ABCA4: variants seen among roughly 807,000 people sequenced by gnomAD.
ABCA4 encodes retinal-specific phospholipid-transporting ATPase ABCA4.
A neutral mutation model predicts 263.7 loss-of-function variants in ABCA4; 196 were observed. The ratio of observed to expected loss-of-function variants is 0.74; its 90% CI spans 0.66 to 0.84. The LOEUF (loss-of-function observed/expected upper bound fraction) is 0.84. Ranked by LOEUF, ABCA4 falls within the 40% of genes least tolerant of loss-of-function variation. The probability of loss-of-function intolerance (pLI) is 0.00; values close to 1 mark genes in which losing one functional copy is unlikely to be tolerated. For synonymous variants in ABCA4, 1,133 were observed against 1,094.2 expected, an observed-to-expected ratio of 1.04 and a Z score of -0.70; for missense variants, 2,792 against 2,855.1, an observed-to-expected ratio of 0.98 and a Z score of 0.50.
intron 14 of ABCA4, among the ~76,000 whole-genome samples, chr1:94,058,534 G>A (rs1404907539): frequency 6.6e-6 from 1 of 152,146 alleles, no homozygotes; most frequent in Admixed American, 6.5e-5. Flanking sequence ...GCTAATTTTT[G>A]TATTTTTAGG....
chr1:94,044,737 G>A lies in ABCA4; in HGVS notation c.2926C>T (p.Leu976=). The change falls in exon 20 of 50, where the codon CTG becomes TTG. Residue 976 remains leucine (L), a synonymous_variant. Coordinates refer to ENST00000370225, the MANE Select transcript of ABCA4 (RefSeq NM_000350.3). ...GAGKTTTLSI[L]TGLLPPTSGT... is the part of the protein sequence containing the mutation. ...GAGGTTGGTGGCAACAGACCCGTCA[G>A]GATGGACCTGCAGAACACAGGCGTC... The A allele has an allele frequency of 6.2e-7, 1 of 1,614,206 alleles. No individual in the cohort carries two copies. Among genetic ancestry groups the A allele is most frequent in the Non-Finnish European group, 8.5e-7 (1 of 1,180,028 alleles).
chr1:93,998,773 C>A (rs1659089516), intron 47 of ABCA4, among the ~76,000 whole-genome samples: 1 of 128,674 alleles, frequency 7.8e-6, no homozygotes, highest in Non-Finnish European at 1.6e-5. Context: ...GACAGTCTCA[C>A]CGTTGCCCAG....
rs772809387 is a variant in ABCA4 at position 94,041,262 on chromosome 1, A to G, written c.3469T>C (p.Leu1157=). 4 of 1,614,052 alleles carry G rather than the reference A, an allele frequency of 2.5e-6. No individual in the cohort carries two copies. The highest frequency in any genetic ancestry group is 3.4e-6 in the Non-Finnish European group (4 of 1,180,040). The change falls in exon 23 of 50, where the codon TTA becomes CTA. Residue 1157 remains leucine, a synonymous_variant. Transcript: ENST00000370225. ...TTTTTCATCTTGCGCACCAAGGTTAAGTACAAGCCTGTGCCAAAGCAGTTC... is the reference window on the plus strand; with the variant it reads ...TTTTTCATCTTGCGCACCAAGGTTAGGTACAAGCCTGTGCCAAAGCAGTTC... ...LKNCFGTGLY[L]TLVRKMKNIQ... is the part of the protein sequence containing the mutation.
At chr1:94,100,851 A>G (rs932593090) in intron 5 of ABCA4, among the ~76,000 whole-genome samples, 1 of 152,204 alleles carries the variant, frequency 6.6e-6, no homozygotes, top group Admixed American at 6.5e-5. Flanking sequence ...GAACGTTGCC[A>G]TCGTGATGGA....
intron 11 of ABCA4, among the ~76,000 whole-genome samples, chr1:94,077,318 C>T (rs982715896): frequency 1.3e-5 from 2 of 152,124 alleles, no homozygotes; most frequent in African/African-American, 2.4e-5. Flanking sequence ...GCTTGTAGAA[C>T]TTGAGGGCAG....
intron 10 of ABCA4, 36 bp downstream of exon 10, chr1:94,078,554 C>T: frequency 3.2e-6 from 2 of 633,110 alleles, no homozygotes; most frequent in Non-Finnish European, 5.8e-6. Flanking sequence ...ACCGCTTCCT[C>T]CTCCCCTCCC....
chr1:94,098,357 G>C (rs142153351), intron 6 of ABCA4, among the ~76,000 whole-genome samples: 1 of 152,138 alleles, frequency 6.6e-6, no homozygotes, highest in African/African-American at 2.4e-5. Context: ...AATGTTTTGC[G>C]TATACTTTTC....
intron 1 of ABCA4, among the ~76,000 whole-genome samples, chr1:94,116,898 G>A (rs1268141065): frequency 1.3e-5 from 2 of 151,792 alleles, no homozygotes; most frequent in East Asian, 3.9e-4. Flanking sequence ...TCCCAAACTG[G>A]TATTTCCTTC....
At chr1:94,105,871 T>C (rs1245293741) in intron 4 of ABCA4, among the ~76,000 whole-genome samples, 1 of 152,186 alleles carries the variant, frequency 6.6e-6, no homozygotes, top group African/African-American at 2.4e-5. Flanking sequence ...CCCAGGTGGC[T>C]GTGCAGAAGC....
intron 13 of ABCA4, among the ~76,000 whole-genome samples, chr1:94,062,308 C>G (rs1238239269): frequency 6.6e-6 from 1 of 152,176 alleles, no homozygotes; most frequent in Non-Finnish European, 1.5e-5. Context: ...CCCAGCCTCA[C>G]TTTCCTTGCT....
chr1:94,037,945 G>C (rs1169225961), intron 24 of ABCA4, among the ~76,000 whole-genome samples: 3 of 152,034 alleles, frequency 2.0e-5, no homozygotes, highest in Non-Finnish European at 4.4e-5. Flanking sequence ...CATTTTTCTG[G>C]TCTGTCACCA....
Position 94,014,560 on chromosome 1 carries a change from A to C in ABCA4, c.5443T>G (p.Leu1815Val), listed in dbSNP as rs1398632105. 6.2e-7 allele frequency: 1 copy of C among 1,614,238 alleles called. No individual in the cohort carries two copies. The highest frequency in any genetic ancestry group is 1.1e-5 in the South Asian group (1 of 91,086). The change falls in exon 38 of 50, where the codon TTA (leucine) becomes GTA (valine). Residue 1815 changes from leucine to valine, a missense_variant. Physicochemically the swap from Leu to Val is conservative, Grantham distance 32 (BLOSUM62 1). Transcript: ENST00000370225. ...NSSAITFILELFENNRTLLRF... is the reference protein window; with the variant it reads ...NSSAITFILEVFENNRTLLRF... ...ATGCTCACCCGGTTATTCTCAAATA[A>C]TTCCAAGATGAAGGTAATAGCACTG...
chr1:93,995,381 G>A (rs1429525889), intron 49 of ABCA4, among the ~76,000 whole-genome samples: 1 of 152,192 alleles, frequency 6.6e-6, no homozygotes, highest in African/African-American at 2.4e-5. Context: ...AGAAGAGAGT[G>A]GCTAATTCAT....
At position 94,007,702 on chromosome 1, in the gene ABCA4, T is replaced by G. The variant is rs1384890737; in HGVS notation, c.5937A>C (p.Thr1979=). 13 of 1,613,896 alleles carry G rather than the reference T, an allele frequency of 8.1e-6. No individual in the cohort carries two copies. Among genetic ancestry groups the G allele is most frequent in the Non-Finnish European group, 1.1e-5 (13 of 1,180,036 alleles). Residue 1979 remains threonine, a synonymous_variant, in exon 43 of 50, where the codon ACA becomes ACC. Transcript: ENST00000370225. The stretch of plus-strand genomic sequence containing the variant: ...CCCCAGTGAGCATCTTGAATGTGGT[T>G]GTTTTGCCGGCACCATTCACTCCCA... ...GLLGVNGAGK[T]TTFKMLTGDT... is the part of the protein sequence containing the mutation.
intron 4 of ABCA4, among the ~76,000 whole-genome samples, chr1:94,104,953 GCA>G (rs140278336): frequency 9.2e-5 from 14 of 151,436 alleles, no homozygotes; most frequent in Admixed American, 4.6e-4. Context: ...CCCAACACAC[GCA>G]CACACACACG....
intron 10 of ABCA4, 149 bp from the exon 11 acceptor site, chr1:94,078,036 A>G (rs1661584471): frequency 4.2e-6 from 3 of 720,574 alleles, no homozygotes; most frequent in Non-Finnish European, 6.9e-6. Context: ...ACTATGAAAC[A>G]TACCTATCTA....
At chr1:94,052,212 G>C (rs1214286774) in intron 16 of ABCA4, among the ~76,000 whole-genome samples, 2 of 152,132 alleles carry the variant, frequency 1.3e-5, no homozygotes, top group Admixed American at 6.5e-5. Flanking sequence ...CAGAAATGTA[G>C]GAATTCCAAC....
At chr1:94,118,278 GA>G (rs1274850033) in intron 1 of ABCA4, among the ~76,000 whole-genome samples, 1 of 151,962 alleles carries the variant, frequency 6.6e-6, no homozygotes, top group East Asian at 1.9e-4. Flanking sequence ...AACAGAGGAA[GA>G]AAAAAAGAGG....
intron 1 of ABCA4, among the ~76,000 whole-genome samples, chr1:94,119,142 G>T (rs551077704): frequency 2.0e-5 from 3 of 152,210 alleles, no homozygotes; most frequent in South Asian, 2.1e-4. Context: ...TAGAAGGAAA[G>T]AATGAATACA....
Sources: allele counts gnomAD v4.1 joint callset (sites outside exome capture counted in the v4.1 genomes callset), GRCh38; gene constraint gnomAD v4.1.1; transcripts MANE v1.5; gene names NCBI Gene and HGNC (gene_info 2026-07-23, HGNC 2026-07-21).